The following MTMR3 variants were observed in gnomAD, a reference collection of about 807,000 sequenced individuals.
MTMR3 encodes phosphatidylinositol-3,5-bisphosphate 3-phosphatase MTMR3.
A neutral mutation model predicts 132.4 loss-of-function variants in MTMR3; 32 were observed. The observed-to-expected ratio is 0.24, with a 90% CI of 0.18 to 0.32. The LOEUF (loss-of-function observed/expected upper bound fraction) is 0.32. MTMR3 is among the 10% of genes least tolerant of loss of function. The pLI is 1.00. For missense variants in MTMR3, 1,216 were observed against 1,489.6 expected, an observed-to-expected ratio of 0.82 and a Z score of 3.02; for synonymous variants, 556 against 550.3, an observed-to-expected ratio of 1.01 and a Z score of -0.14.
At chr22:29,985,948 C>G (rs988614712) in intron 5 of MTMR3, 16 of 151,458 alleles carry the variant, frequency 1.1e-4, no homozygotes, top group Admixed American at 9.8e-4. Context: ...GTAAAACTTA[C>G]CTGTTCTTTG....
intron 1 of MTMR3, among the ~76,000 whole-genome samples, chr22:29,901,119 A>G (rs1026537076): frequency 6.6e-6 from 1 of 152,140 alleles, no homozygotes; most frequent in African/African-American, 2.4e-5. Context: ...TTTGAACCAA[A>G]ATTAGGAGAA....
intron 19 of MTMR3, 91 bp from the exon 20 acceptor site, chr22:30,025,539 T>G: frequency 7.2e-7 from 1 of 1,384,868 alleles, no homozygotes. Context: ...ACATGCAAAT[T>G]ACACACGGCA....
intron 2 of MTMR3, among the ~76,000 whole-genome samples, chr22:29,968,661 GTTTC>G (rs995015267): frequency 3.3e-5 from 5 of 152,018 alleles, no homozygotes; most frequent in Non-Finnish European, 7.4e-5. Flanking sequence ...TTAGTTATCT[GTTTC>G]TTTGTTTCTA....
chr22:29,928,900 G>T (rs1479539150), intron 1 of MTMR3, among the ~76,000 whole-genome samples: 1 of 152,206 alleles, frequency 6.6e-6, no homozygotes, highest in Admixed American at 6.5e-5. Flanking sequence ...TGGCTATATG[G>T]AATACGTAGT....
At position 29,955,172 on chromosome 22, in the gene MTMR3, G is replaced by T. The variant is rs984616592; in HGVS notation, c.-137-1864G>T. ...GCCCAGCTTTTTAAATTTTTATAGA[G>T]ATGAGGTCTTCCCATGTTGCCTGGA... On this transcript the variant is annotated intron_variant, in intron 1 of 19. Coordinates refer to ENST00000401950, the MANE Select transcript of MTMR3 (RefSeq NM_021090.4). 9.2e-5 allele frequency among the ~76,000 whole-genome samples: 14 copies of T among 152,092 alleles called. 1 individual carries two copies. The highest frequency in any genetic ancestry group is 2.9e-5 in the Non-Finnish European group (2 of 68,026).
rs138580063 is a variant in MTMR3 at position 29,894,028 on chromosome 22, A to G, written c.-138+10669A>G. ...AGCCAGCTGATTTTTTGTATTTTTT[A>G]GAGATGGGATTTCGCCATGTTGGCC... On this transcript the variant is annotated intron_variant, in intron 1 of 19. Transcript: ENST00000401950. 5.0e-3 allele frequency among the ~76,000 whole-genome samples: 768 copies of G among 152,096 alleles called. 26 individuals carry two copies. Among genetic ancestry groups the G allele is most frequent in the Admixed American group, 0.045 (687 of 15,256 alleles).
chr22:29,952,225 C>T (rs956529504), intron 1 of MTMR3, among the ~76,000 whole-genome samples: 1 of 152,020 alleles, frequency 6.6e-6, no homozygotes, highest in Admixed American at 6.6e-5. Flanking sequence ...TTTTTTCCCC[C>T]TCGGGAGAGG....
At chr22:29,904,476 C>T (rs1469318661) in intron 1 of MTMR3, among the ~76,000 whole-genome samples, 3 of 152,154 alleles carry the variant, frequency 2.0e-5, no homozygotes, top group Non-Finnish European at 4.4e-5. Context: ...CTACCACTTA[C>T]CTGTCTGTGA....
intron 7 of MTMR3, chr22:29,994,477 T>C (rs963008237): frequency 6.6e-6 from 1 of 150,836 alleles, no homozygotes; most frequent in Admixed American, 6.6e-5. Flanking sequence ...GCAGTGGCGG[T>C]GTATATAGCA....
intron 1 of MTMR3, among the ~76,000 whole-genome samples, chr22:29,951,968 C>T (rs751297075): frequency 1.4e-4 from 21 of 146,904 alleles, no homozygotes; most frequent in Non-Finnish European, 2.8e-4. Context: ...TGGCTCACTG[C>T]AACCTCTGCC....
intron 15 of MTMR3, chr22:30,017,421 T>G (rs1470796917): frequency 6.3e-6 from 1 of 157,994 alleles, no homozygotes; most frequent in Non-Finnish European, 1.4e-5. Context: ...AGCTGACTGC[T>G]TGTCTCTCCC....
intron 19 of MTMR3, 48 bp downstream of exon 19, chr22:30,022,745 G>T (rs778800452): frequency 6.6e-7 from 1 of 1,525,638 alleles, no homozygotes; most frequent in Non-Finnish European, 8.9e-7. Context: ...GGAGGTTGAG[G>T]GTCGGCCCAC....
chr22:30,020,557 CA>C lies in MTMR3; in HGVS notation c.2900del (p.Lys967ArgfsTer4), dbSNP rs2067718917. The C allele has an allele frequency of 6.2e-7, 1 of 1,614,092 alleles. No individual in the cohort carries two copies. The highest frequency in any genetic ancestry group is 1.3e-5 in the African/African-American group (1 of 74,924). On this transcript the variant is annotated frameshift_variant, in exon 17 of 20. Transcript: ENST00000401950. LOFTEE classifies it high-confidence loss of function. ...HCANGEAGRSKDSLSRQLSAM... is the reference protein window; with the variant it reads ...HCANGEAGRSXDSLSRQLSAM... ...GCGCCAATGGGGAGGCTGGTAGGAG[CA>C]AGGACTCACTGAGCCGTCAGCTGTC...
chr22:29,984,704 C>A (rs879053636), intron 5 of MTMR3: 2 of 152,134 alleles, frequency 1.3e-5, no homozygotes, highest in Admixed American at 6.5e-5. Flanking sequence ...TGAATCAGTA[C>A]GTTTGAGAGG....
chr22:29,951,312 A>ATT (rs1231378657), intron 1 of MTMR3, among the ~76,000 whole-genome samples: 1 of 152,200 alleles, frequency 6.6e-6, no homozygotes, highest in East Asian at 1.9e-4. Flanking sequence ...TAAAGATATT[A>ATT]TATATGGCTG....
chr22:29,965,506 GAAACC>G (rs2066397015), intron 2 of MTMR3, among the ~76,000 whole-genome samples: 2 of 152,110 alleles, frequency 1.3e-5, no homozygotes, highest in African/African-American at 2.4e-5. Flanking sequence ...TCAACATGGT[GAAACC>G]CTGTCTCTAC....
intron 1 of MTMR3, among the ~76,000 whole-genome samples, chr22:29,887,686 C>T (rs1393779027): frequency 6.6e-6 from 1 of 152,066 alleles, no homozygotes; most frequent in Non-Finnish European, 1.5e-5. Context: ...TAGATTTCAC[C>T]CATTTTCTTA....
chr22:29,949,139 ACACACCCCCCCCCCC>A (rs1211746800), intron 1 of MTMR3, among the ~76,000 whole-genome samples: 321 of 24,580 alleles, frequency 0.013, 2 homozygotes, highest in Non-Finnish European at 0.015. Flanking sequence ...ACACACACAC[ACACACCCCCCCCCCC>A]CCCCCCGAGG....
At chr22:29,963,228 T>C (rs2066348816) in intron 2 of MTMR3, among the ~76,000 whole-genome samples, 1 of 152,300 alleles carries the variant, frequency 6.6e-6, no homozygotes, top group Non-Finnish European at 1.5e-5. Flanking sequence ...ATTACAGGCA[T>C]GAGCCACCAT....
Sources: gnomAD v4.1 joint callset for allele counts (sites outside exome capture counted in the v4.1 genomes callset) on GRCh38, gnomAD v4.1.1 for gene constraint, MANE v1.5 for transcripts, NCBI Gene and HGNC (gene_info 2026-07-23, HGNC 2026-07-21) for gene names.